PKNOX1: variants seen among roughly 807,000 people sequenced by gnomAD.
The protein encoded by PKNOX1 is homeobox protein PKNOX1.
In PKNOX1, 15 loss-of-function variants were observed where a neutral mutation model predicts 51.9. That is an observed-to-expected ratio of 0.29 (90% CI 0.19 to 0.45). PKNOX1 has a LOEUF of 0.45. PKNOX1 is among the 20% of genes least tolerant of loss of function. The pLI, the probability that PKNOX1 is intolerant of heterozygous loss-of-function variation, is 1.00. For synonymous variants in PKNOX1, 219 were observed against 211.1 expected, an observed-to-expected ratio of 1.04 and a Z score of -0.32; for missense variants, 462 against 547.5, an observed-to-expected ratio of 0.84 and a Z score of 1.56.
chr21:43,018,124 C>A lies in PKNOX1; in HGVS notation c.623-9C>A, dbSNP rs748122543. The A allele has an allele frequency of 2.0e-6, 3 of 1,528,722 alleles. No individual in the cohort carries two copies. Among genetic ancestry groups the A allele is most frequent in the South Asian group, 2.2e-5 (2 of 89,412 alleles). 94.7% of individuals were successfully genotyped at this position (1,528,722 alleles called of 1,614,324 possible). On this transcript the variant is annotated splice_polypyrimidine_tract_variant and intron_variant, in intron 6 of 10. Coordinates refer to ENST00000291547, the MANE Select transcript of PKNOX1 (RefSeq NM_004571.5). ...AAAGCAGCCTCATATTTTTATTCTCCCTTTCGAGGTGGCACAGTGTATCAG... is the reference window on the plus strand; with the variant it reads ...AAAGCAGCCTCATATTTTTATTCTCACTTTCGAGGTGGCACAGTGTATCAG...
At position 42,994,459 on chromosome 21, in the gene PKNOX1, G is replaced by A. The variant is rs189509241; in HGVS notation, c.-56-9867G>A. Among the ~76,000 whole-genome samples, 277 of 148,024 alleles carry A rather than the reference G, an allele frequency of 1.9e-3. 3 individuals are homozygous for A. Among genetic ancestry groups the A allele is most frequent in the African/African-American group, 6.5e-3 (258 of 39,960 alleles). On this transcript the variant is annotated intron_variant, in intron 1 of 10. Transcript: ENST00000291547. Reference sequence around the variant, plus strand: ...CCCAAAATGCTAGTATTACAGGCACGTGCCACTGTACCTGACTGTTTTAAC... The same window carrying A: ...CCCAAAATGCTAGTATTACAGGCACATGCCACTGTACCTGACTGTTTTAAC...
chr21:42,987,404 AATATATATATAT>A (rs1170402960), intron 1 of PKNOX1, among the ~76,000 whole-genome samples: 1 of 41,418 alleles, frequency 2.4e-5, no homozygotes, highest in East Asian at 4.1e-4. Context: ...AAAAAAAAAA[AATATATATATAT>A]ATATATATAT....
At chr21:43,016,743 C>T (rs1003846734) in intron 5 of PKNOX1, among the ~76,000 whole-genome samples, 165 bp from the exon 6 acceptor site, 2 of 152,170 alleles carry the variant, frequency 1.3e-5, no homozygotes, top group Non-Finnish European at 2.9e-5. Context: ...TCTTGCTTTC[C>T]GTGTGTGCTG....
intron 9 of PKNOX1, among the ~76,000 whole-genome samples, chr21:43,027,341 G>A (rs143277200): frequency 3.7e-4 from 56 of 152,244 alleles, no homozygotes; most frequent in African/African-American, 1.2e-3. Context: ...TTTTCTTTCC[G>A]TTTCTTTCCA....
At position 43,018,160 on chromosome 21, in the gene PKNOX1, T is replaced by C; in HGVS notation, c.650T>C (p.Val217Ala). 6.2e-7 allele frequency: 1 copy of C among 1,611,636 alleles called. No individual in the cohort carries two copies. The highest frequency in any genetic ancestry group is 8.5e-7 in the Non-Finnish European group (1 of 1,178,612). ...AGGTVYQPVT[V>A]VTPQGQVVTQ... ...GGCACAGTGTATCAGCCTGTCACGGTCGTCACTCCCCAAGGCCAAGTGGTC... is the reference window on the plus strand; with the variant it reads ...GGCACAGTGTATCAGCCTGTCACGGCCGTCACTCCCCAAGGCCAAGTGGTC... Residue 217 changes from valine to alanine, a missense_variant, in exon 7 of 11, where the codon GTC becomes GCC. Physicochemically the swap from Val to Ala is moderately conservative, Grantham distance 64. Transcript: ENST00000291547.
At chr21:43,017,344 T>A (rs1392285496) in intron 6 of PKNOX1, 1 of 180,318 alleles carries the variant, frequency 5.5e-6, no homozygotes, top group East Asian at 1.5e-4. Flanking sequence ...TTAAGTTTTA[T>A]CATTAATTGA....
At chr21:43,019,693 C>T (rs1979668929) in intron 7 of PKNOX1, among the ~76,000 whole-genome samples, 1 of 151,850 alleles carries the variant, frequency 6.6e-6, no homozygotes. Flanking sequence ...CAAGTGTGTG[C>T]CACTATGCCT....
chr21:43,007,426 T>C (rs1979036468), intron 2 of PKNOX1, 65 bp from the exon 3 acceptor site: 1 of 1,508,370 alleles, frequency 6.6e-7, no homozygotes, highest in African/African-American at 1.4e-5. Context: ...GCATTCCTGT[T>C]GGAGCATGGA....
At chr21:43,018,041 T>C in intron 6 of PKNOX1, 92 bp from the exon 7 acceptor site, 1 of 518,976 alleles carries the variant, frequency 1.9e-6, no homozygotes, top group African/African-American at 4.6e-5. Flanking sequence ...AATGTCCCTG[T>C]CTCTACAAAA....
chr21:43,018,543 G>C (rs1355997336), intron 7 of PKNOX1, among the ~76,000 whole-genome samples: 1 of 128,560 alleles, frequency 7.8e-6, no homozygotes, highest in African/African-American at 3.0e-5. Context: ...CAGTGCTAAC[G>C]TTGGATCATG....
chr21:42,995,483 G>A (rs1374008413), intron 1 of PKNOX1, among the ~76,000 whole-genome samples: 1 of 150,048 alleles, frequency 6.7e-6, no homozygotes, highest in Non-Finnish European at 1.5e-5. Flanking sequence ...TTCAAGACCA[G>A]CCTGGGCAAC....
chr21:43,013,731 G>C (rs948588627), intron 5 of PKNOX1, among the ~76,000 whole-genome samples: 1 of 152,080 alleles, frequency 6.6e-6, no homozygotes, highest in East Asian at 1.9e-4. Flanking sequence ...GGAACCCACC[G>C]TTCTACTGTC....
chr21:42,980,581 T>G (rs902788738), intron 1 of PKNOX1, among the ~76,000 whole-genome samples: 2 of 152,280 alleles, frequency 1.3e-5, no homozygotes, highest in Admixed American at 6.5e-5. Context: ...TCACGTTTGC[T>G]TGGCCTCTGG....
In PKNOX1 at chr21:42,986,016, A is replaced by T. The variant is rs1056090367; in HGVS notation, c.-57+11352A>T. The stretch of plus-strand genomic sequence containing the variant: ...GCTCTGTCTCAGAAAAAAAAAAAAA[A>T]ATTAAAAAAAAAATTGCAAAACCAT... On this transcript the variant is annotated intron_variant, in intron 1 of 10. Transcript: ENST00000291547. 4.2e-3 allele frequency among the ~76,000 whole-genome samples: 513 copies of T among 122,582 alleles called. 5 individuals are homozygous for T. Among genetic ancestry groups the T allele is most frequent in the African/African-American group, 0.017 (483 of 28,322 alleles). 80.4% of individuals were successfully genotyped at this position (122,582 alleles called of 152,430 possible).
intron 5 of PKNOX1, 93 bp downstream of exon 5, chr21:43,013,331 G>A: frequency 1.0e-6 from 1 of 988,546 alleles, no homozygotes; most frequent in South Asian, 1.9e-5. Flanking sequence ...AATTCACTGG[G>A]TCATCTTTAT....
intron 1 of PKNOX1, among the ~76,000 whole-genome samples, chr21:42,993,075 A>G (rs2059096755): frequency 6.6e-6 from 1 of 152,126 alleles, no homozygotes; most frequent in African/African-American, 2.4e-5. Flanking sequence ...CTGGAGTCGC[A>G]CACCATCATT....
At chr21:43,013,624 C>G (rs1282946688) in intron 5 of PKNOX1, among the ~76,000 whole-genome samples, 1 of 152,016 alleles carries the variant, frequency 6.6e-6, no homozygotes, top group Non-Finnish European at 1.5e-5. Context: ...GTTGGGCAAC[C>G]ATCAACACCA....
At chr21:43,027,789 G>A (rs1027027175) in intron 9 of PKNOX1, among the ~76,000 whole-genome samples, 1 of 152,170 alleles carries the variant, frequency 6.6e-6, no homozygotes, top group Non-Finnish European at 1.5e-5. Flanking sequence ...GGTGGTGGGC[G>A]CCTATAGTCC....
intron 1 of PKNOX1, among the ~76,000 whole-genome samples, chr21:42,980,203 GTC>G (rs2059019555): frequency 6.6e-6 from 1 of 151,986 alleles, no homozygotes; most frequent in Non-Finnish European, 1.5e-5. Context: ...GGCAACCCCT[GTC>G]TCTACTAAAA....
Sources: allele counts gnomAD v4.1 joint callset (sites outside exome capture counted in the v4.1 genomes callset), GRCh38; gene constraint gnomAD v4.1.1; transcripts MANE v1.5; gene names NCBI Gene and HGNC (gene_info 2026-07-23, HGNC 2026-07-21).